Variants in LRRK2 observed in about 807,000 individuals in gnomAD.
LRRK2 encodes the protein leucine-rich repeat serine/threonine-protein kinase 2.
A neutral mutation model predicts 302.6 loss-of-function variants in LRRK2; 203 were observed. The ratio of observed to expected loss-of-function variants is 0.67; its 90% CI spans 0.60 to 0.75. LRRK2 has a LOEUF of 0.75. LRRK2 is among the 30% of genes least tolerant of loss of function. LRRK2 has a pLI of 0.00. For synonymous variants in LRRK2, 1,066 were observed against 1,031.9 expected, an observed-to-expected ratio of 1.03 and a Z score of -0.63; for missense variants, 2,830 against 2,951.0, an observed-to-expected ratio of 0.96 and a Z score of 0.95.
chr12:40,352,263 C>T (rs935980243), intron 44 of LRRK2, among the ~76,000 whole-genome samples: 3 of 152,120 alleles, frequency 2.0e-5, no homozygotes, highest in Non-Finnish European at 4.4e-5. Context: ...TAGCACATCT[C>T]TGAACTATAG....
intron 4 of LRRK2, among the ~76,000 whole-genome samples, chr12:40,237,743 A>G (rs1941531033): frequency 6.6e-6 from 1 of 152,188 alleles, no homozygotes; most frequent in Non-Finnish European, 1.5e-5. Flanking sequence ...AAATTATAGT[A>G]AAGTGAACTG....
intron 11 of LRRK2, among the ~76,000 whole-genome samples, chr12:40,256,989 T>A (rs774886355): frequency 4.1e-4 from 63 of 152,118 alleles, no homozygotes; most frequent in Non-Finnish European, 6.5e-4. Flanking sequence ...GTGATTACAT[T>A]AAAACCATCT....
At chr12:40,235,598 T>A in intron 3 of LRRK2, 28 bp from the exon 4 acceptor site, 1 of 1,456,034 alleles carries the variant, frequency 6.9e-7, no homozygotes, top group African/African-American at 1.4e-5. Flanking sequence ...TATTTCATTC[T>A]TATCTTGATT....
chr12:40,323,344 T>TC, intron 38 of LRRK2, 38 bp downstream of exon 38: 1 of 1,527,266 alleles, frequency 6.5e-7, no homozygotes, highest in South Asian at 1.2e-5. Flanking sequence ...AAAATTAGGA[T>TC]GTAATTTTCT....
intron 2 of LRRK2, among the ~76,000 whole-genome samples, chr12:40,228,433 C>CTTTTTTTTTTT (rs35333613): frequency 3.1e-4 from 6 of 19,312 alleles, no homozygotes; most frequent in Non-Finnish European, 4.6e-4. Context: ...AAAAATAAGA[C>CTTTTTTTTTTT]TTTTTTTTTT....
At position 40,369,181 on chromosome 12, in the gene LRRK2, T is replaced by G. The variant is rs1416358487; in HGVS notation, c.*1416T>G. On this transcript the variant is annotated 3_prime_UTR_variant, in exon 51 of 51. Coordinates refer to ENST00000298910, the MANE Select transcript of LRRK2 (RefSeq NM_198578.4). ...TAGAGCTCTTTGTTCCAGTGTTATC[T>G]CTTTCATTGTTACTTTGTATTTGCA... 4 of 151,898 alleles carry G rather than the reference T, an allele frequency of 2.6e-5. No homozygotes were observed. Among genetic ancestry groups the G allele is most frequent in the Non-Finnish European group, 5.9e-5 (4 of 67,810 alleles). The allele number at this position is 151,898 out of a possible 1,614,324, so 9.4% of individuals were successfully genotyped here.
intron 14 of LRRK2, among the ~76,000 whole-genome samples, chr12:40,273,747 T>C (rs1943330730): frequency 1.3e-5 from 2 of 152,222 alleles, no homozygotes; most frequent in African/African-American, 4.8e-5. Context: ...AGCTATGAGT[T>C]AAGCATTCAT....
At chr12:40,294,736 T>C (rs1944312462) in intron 21 of LRRK2, 109 bp from the exon 22 acceptor site, 1 of 607,678 alleles carries the variant, frequency 1.6e-6, no homozygotes, top group African/African-American at 1.9e-5. Flanking sequence ...TTTTTTCCCA[T>C]AATTATAAAT....
chr12:40,293,557 C>T lies in LRRK2; in HGVS notation c.2702C>T (p.Ser901Leu), dbSNP rs748196758. The T allele has an allele frequency of 8.7e-6, 14 of 1,600,390 alleles. No homozygotes were observed. The highest frequency in any genetic ancestry group is 1.1e-5 in the Non-Finnish European group (13 of 1,169,106). ...DDLDSEGSEG[S>L]FLVKKKSNSI... is the part of the protein sequence containing the mutation. ...ATTTTCAAAATAGGAAGTGAAGGCT[C>T]ATTTCTTGTGAAAAAGAAATCTAAT... The change falls in exon 21 of 51, where the codon TCA becomes TTA. Residue 901 changes from serine (S) to leucine (L), a missense_variant. By Grantham distance (145) the Ser-to-Leu change is moderately radical (BLOSUM62 -2). Transcript: ENST00000298910.
chr12:40,287,561 C>G, intron 20 of LRRK2, 22 bp downstream of exon 20: 2 of 1,604,982 alleles, frequency 1.2e-6, no homozygotes, highest in Non-Finnish European at 1.7e-6. Context: ...AAAAAAAAAC[C>G]CTTTATGCTT....
intron 33 of LRRK2, among the ~76,000 whole-genome samples, chr12:40,317,900 C>T (rs1488348714): frequency 6.6e-6 from 1 of 152,036 alleles, no homozygotes; most frequent in East Asian, 1.9e-4. Context: ...CTTGACTGGG[C>T]TCAGCTGCGT....
chr12:40,346,915 A>G lies in LRRK2; in HGVS notation c.6272A>G (p.Lys2091Arg). Reference sequence around the variant, plus strand: ...TTTGATGAATTAGAAATACAAGGAAAATTACCTGGTAAGTTCTGTTTTCTC... The same window carrying G: ...TTTGATGAATTAGAAATACAAGGAAGATTACCTGGTAAGTTCTGTTTTCTC... ...NEFDELEIQG[K>R]LPDPVKEYGC... Residue 2091 changes from lysine (K) to arginine (R), a missense_variant, in exon 42 of 51, where the codon AAA becomes AGA. Around this residue, in one of 3 missense-constraint regions of LRRK2, gnomAD observed 253 missense variants for 346.7 expected, o/e 0.73. Coordinates refer to ENST00000298910, the MANE Select transcript of LRRK2 (RefSeq NM_198578.4). The G allele has an allele frequency of 6.2e-7, 1 of 1,610,882 alleles. No homozygotes were observed. Among genetic ancestry groups the G allele is most frequent in the South Asian group, 1.1e-5 (1 of 90,068 alleles).
At chr12:40,315,189 T>C in intron 32 of LRRK2, 23 bp from the exon 33 acceptor site, 2 of 1,573,520 alleles carry the variant, frequency 1.3e-6, no homozygotes, top group South Asian at 1.1e-5. Flanking sequence ...CATGTTTCAC[T>C]GTTTGATGAC....
chr12:40,315,296 C>A lies in LRRK2; in HGVS notation c.4823C>A (p.Ala1608Glu). 6.2e-7 allele frequency: 1 copy of A among 1,611,342 alleles called. No individual in the cohort carries two copies. The highest frequency in any genetic ancestry group is 8.5e-7 in the Non-Finnish European group (1 of 1,177,730). ...CCCAAGTGGCTTTGTAAAATCATGGCACAGGTTGGTGTCTTTTATTTTTGT... is the reference window on the plus strand; with the variant it reads ...CCCAAGTGGCTTTGTAAAATCATGGAACAGGTTGGTGTCTTTTATTTTTGT... The part of the protein sequence containing the change: ...VEPKWLCKIM[A>E]QILTVKVEGC... Residue 1608 changes from alanine (A) to glutamate (E), a missense_variant, in exon 33 of 51, where the codon GCA (alanine) becomes GAA (glutamate). Physicochemically the swap from Ala to Glu is moderately radical, Grantham distance 107. This residue lies in a region of LRRK2 where 2,121 missense variants were observed against 2,148.0 expected (regional missense o/e 0.99). Transcript: ENST00000298910.
chr12:40,299,909 G>T (rs1944558190), intron 25 of LRRK2, among the ~76,000 whole-genome samples: 2 of 152,002 alleles, frequency 1.3e-5, no homozygotes, highest in South Asian at 4.2e-4. Context: ...ATCTAAAGCT[G>T]CCCTAAAAAT....
intron 48 of LRRK2, 102 bp downstream of exon 48, chr12:40,363,656 A>AT: frequency 3.8e-6 from 5 of 1,332,270 alleles, no homozygotes; most frequent in Non-Finnish European, 5.2e-6. Context: ...TGAATAGAGA[A>AT]TTTTTTTAAA....
chr12:40,234,293 T>C (rs1941336402), intron 3 of LRRK2, among the ~76,000 whole-genome samples: 1 of 152,010 alleles, frequency 6.6e-6, no homozygotes, highest in South Asian at 2.1e-4. Context: ...GACTAGAGAT[T>C]ATATTTTGGG....
Position 40,225,066 on chromosome 12 carries a change from C to A in LRRK2, c.-66C>A. The A allele has an allele frequency of 6.2e-7, 1 of 1,604,172 alleles. No homozygotes were observed. The highest frequency in any genetic ancestry group is 1.7e-5 in the Admixed American group (1 of 59,420). On this transcript the variant is annotated 5_prime_UTR_variant, in exon 1 of 51. Transcript: ENST00000298910. ...CCCCCGGGGAGCTGTGGCCGGCGCCCCTGCCGGTTCCCTGAGCAGCGGACG... is the reference window on the plus strand; with the variant it reads ...CCCCCGGGGAGCTGTGGCCGGCGCCACTGCCGGTTCCCTGAGCAGCGGACG...
chr12:40,325,231 G>A (rs1288668143), intron 38 of LRRK2, among the ~76,000 whole-genome samples: 2 of 152,188 alleles, frequency 1.3e-5, no homozygotes, highest in African/African-American at 2.4e-5. Context: ...AGGTTGCAGT[G>A]AGCCGAGGTT....
Sources: allele counts gnomAD v4.1 joint callset (sites outside exome capture counted in the v4.1 genomes callset), GRCh38; gene constraint gnomAD v4.1.1; regional missense constraint gnomAD v4.1.1; transcripts MANE v1.5; gene names NCBI Gene and HGNC (gene_info 2026-07-23, HGNC 2026-07-21).